PDE4DIP: variants seen among roughly 807,000 people sequenced by gnomAD.
PDE4DIP encodes myomegalin.
PDE4DIP carries 59 observed loss-of-function variants against 221.4 expected under a neutral mutation model. The observed-to-expected ratio is 0.27, with a 90% CI of 0.22 to 0.33. PDE4DIP has a LOEUF of 0.33. Among genes scored for constraint, PDE4DIP ranks in the 10% least tolerant of loss-of-function variants. The pLI, the probability that PDE4DIP is intolerant of heterozygous loss-of-function variation, is 1.00. For synonymous variants in PDE4DIP, 404 were observed against 815.9 expected (o/e 0.50, Z 8.60); for missense variants, 1,036 against 2,154.2 (o/e 0.48, Z 10.28).
chr1:148,972,526 C>T (rs149815005), exon 16 of PDE4DIP: 1 of 562,924 alleles, frequency 1.8e-6, no homozygotes, highest in African/African-American at 2.4e-5. Flanking sequence ...AATGCAGATA[C>T]CTTCCAGAGA....
chr1:149,007,250 C>T (rs140637862), exon 28 of PDE4DIP: 44 of 1,549,130 alleles, frequency 2.8e-5, no homozygotes, highest in Middle Eastern at 3.4e-4. Context: ...GTCTTACCTA[C>T]GGCAAAAAAT....
In PDE4DIP at chr1:149,001,197, A is replaced by T. The variant is rs587643921; in HGVS notation, c.3138-394A>T. Among the ~76,000 whole-genome samples the T allele has an allele frequency of 1.8e-4, 27 of 152,368 alleles. No homozygotes were observed. In the South Asian group the frequency reaches 5.6e-3, roughly 32 times the overall value. ...GGTTTGAAACTGACTGATGATAAAT[A>T]ATAGAACTGTAAAATTTATAACAAT... On this transcript the variant is annotated intron_variant, in intron 23 of 43. Coordinates refer to ENST00000369354, the Ensembl canonical transcript of PDE4DIP.
rs781856823 is a variant in PDE4DIP, at chr1:148,966,928, C to T, written c.1557C>T (p.Asp519=). Residue 519 remains aspartate, a synonymous_variant, in exon 12 of 44, where the codon GAC becomes GAT. Transcript: ENST00000369354. ...TTGCTGTGAGAGAGCGAGATCATGA[C>T]TTAGAGAGACTGCGCGATGTCCTCT... 3 of 1,613,618 alleles carry T rather than the reference C, an allele frequency of 1.9e-6. No individual in the cohort carries two copies. The Admixed American group carries it at 5.0e-5, about 27-fold the overall frequency.
intron 41 of PDE4DIP, 125 bp from the exon 45 acceptor site, chr1:149,029,662 G>C (rs1274268651): frequency 8.1e-6 from 6 of 741,594 alleles, no homozygotes; most frequent in Non-Finnish European, 1.1e-5. Context: ...GGCTGTGAAG[G>C]AGGAAATCCA....
At chr1:148,934,571 T>G (rs1553473575) in intron 4 of PDE4DIP, among the ~76,000 whole-genome samples, 2 of 152,200 alleles carry the variant, frequency 1.3e-5, no homozygotes, top group Non-Finnish European at 2.9e-5. Context: ...CATTGCAGTT[T>G]ACATTTGTAT....
rs1257873686 is a variant in PDE4DIP, at chr1:148,859,804, G to A, written c.234-3446G>A. On this transcript the variant is annotated intron_variant, in intron 1 of 45. Transcript: ENST00000524974. Reference sequence around the variant, plus strand: ...ATATATTACCACTTTGTGTGTGTGTGTGTGTGTGTGTGTGTGTGTGTGTGT... The same window carrying A: ...ATATATTACCACTTTGTGTGTGTGTATGTGTGTGTGTGTGTGTGTGTGTGT... Among the ~76,000 whole-genome samples the A allele has an allele frequency of 4.7e-5, 6 of 128,916 alleles. 1 individual carries two copies. The highest frequency in any genetic ancestry group is 9.9e-5 in the Non-Finnish European group (6 of 60,426). The allele number at this position is 128,916 out of a possible 152,430, so 84.6% of individuals were successfully genotyped here.
At chr1:149,029,862 A>G (rs78371650) in exon 42 of PDE4DIP, 70,332 of 1,591,898 alleles carry the variant, frequency 0.044, 1,887 homozygotes, top group South Asian at 0.073. Context: ...TCAGAGCACA[A>G]CTGAGCATCT....
chr1:148,937,020 T>A lies in PDE4DIP; in HGVS notation c.519-727T>A, dbSNP rs587642133. ...ATAGTAAATACATAAACCAGTAACATTTATTATCAAGTATTACATACTATA... is the reference window on the plus strand; with the variant it reads ...ATAGTAAATACATAAACCAGTAACAATTATTATCAAGTATTACATACTATA... On this transcript the variant is annotated intron_variant, in intron 4 of 43. Coordinates refer to ENST00000369354, the Ensembl canonical transcript of PDE4DIP. Among the ~76,000 whole-genome samples, 560 of 152,310 alleles carry A rather than the reference T, an allele frequency of 3.7e-3. 8 individuals are homozygous for A. Among genetic ancestry groups the A allele is most frequent in the African/African-American group, 0.013 (532 of 41,562 alleles).
chr1:148,995,888 T>G (rs1488271536), intron 22 of PDE4DIP, among the ~76,000 whole-genome samples: 3 of 122,128 alleles, frequency 2.5e-5, no homozygotes, highest in Admixed American at 7.9e-5. Context: ...AAATAAAAAA[T>G]AAAAAAAGAA....
At chr1:148,867,399 CT>C (rs1687276914) in intron 2 of PDE4DIP, among the ~76,000 whole-genome samples, 1 of 80,534 alleles carries the variant, frequency 1.2e-5, no homozygotes, top group Admixed American at 1.3e-4. Flanking sequence ...TCACTTATGT[CT>C]ATTTCACTGA....
intron 2 of PDE4DIP, chr1:148,930,108 T>A (rs1553468560): frequency 6.6e-6 from 1 of 151,706 alleles, no homozygotes; most frequent in African/African-American, 2.4e-5. Flanking sequence ...GTTACTTTTA[T>A]AATTTACAGT....
chr1:148,978,003 G>A lies in PDE4DIP; in HGVS notation c.2386G>A (p.Asp796Asn), dbSNP rs782519137. Reference sequence around the variant, plus strand: ...AGAAGAGCTGCAGGTGCAGGCTGCTGATATGGAGTCTCTGACCAGGAACAT... The same window carrying A: ...AGAAGAGCTGCAGGTGCAGGCTGCTAATATGGAGTCTCTGACCAGGAACAT... Residue 796 changes from aspartate (D) to asparagine (N), a missense_variant, in exon 18 of 44, where the codon GAT (aspartate) becomes AAT (asparagine). Physicochemically the swap from Asp to Asn is conservative, Grantham distance 23. Coordinates refer to ENST00000369354, the Ensembl canonical transcript of PDE4DIP. 6.8e-6 allele frequency: 11 copies of A among 1,613,976 alleles called. No individual in the cohort carries two copies. The African/African-American group carries it at 1.2e-4, about 18-fold the overall frequency.
intron 31 of PDE4DIP, among the ~76,000 whole-genome samples, 187 bp downstream of exon 34, chr1:149,010,782 C>A (rs1553604773): frequency 6.6e-6 from 1 of 151,230 alleles, no homozygotes; most frequent in Admixed American, 6.6e-5. Flanking sequence ...AATAAGTAAT[C>A]CACATCAGGT....
intron 1 of PDE4DIP, among the ~76,000 whole-genome samples, chr1:148,892,232 C>T (rs1384786696): frequency 8.3e-6 from 1 of 120,240 alleles, no homozygotes; most frequent in Admixed American, 8.4e-5. Flanking sequence ...TGACCTCAGG[C>T]GATCCACCCG....
chr1:149,002,426 T>G (rs1160860884), intron 24 of PDE4DIP, among the ~76,000 whole-genome samples: 1 of 151,740 alleles, frequency 6.6e-6, no homozygotes, highest in Non-Finnish European at 1.5e-5. Flanking sequence ...TCACTGCCAT[T>G]TTTTTGTCAC....
At chr1:148,929,815 G>A (rs1465824654) in intron 2 of PDE4DIP, 1 of 152,856 alleles carries the variant, frequency 6.5e-6, no homozygotes, top group Non-Finnish European at 1.5e-5. Flanking sequence ...GTATAAGGAT[G>A]TTTATTGCAT....
intron 1 of PDE4DIP, among the ~76,000 whole-genome samples, chr1:148,822,461 A>G (rs1413994609): frequency 1.3e-3 from 200 of 148,992 alleles, no homozygotes; most frequent in African/African-American, 4.9e-3. Context: ...AACTGGGCAT[A>G]TGAGGGATCT....
At chr1:148,915,204 G>C (rs1328338517) in intron 1 of PDE4DIP, among the ~76,000 whole-genome samples, 2 of 152,086 alleles carry the variant, frequency 1.3e-5, no homozygotes, top group Non-Finnish European at 2.9e-5. Context: ...CTGGAGTGCA[G>C]TGGTGCAATC....
chr1:148,961,437 G>T lies in PDE4DIP; in HGVS notation c.769-400G>T, dbSNP rs201660010. The stretch of plus-strand genomic sequence containing the variant: ...TTAATGTCTGGCTTAGAAGAAAATT[G>T]CTACAATTTGGGATGCTGAACTTGT... On this transcript the variant is annotated intron_variant, in intron 6 of 43. Coordinates refer to ENST00000369354, the Ensembl canonical transcript of PDE4DIP. Among the ~76,000 whole-genome samples, 919 of 151,912 alleles carry T rather than the reference G, an allele frequency of 6.0e-3. 14 individuals carry two copies. The highest frequency in any genetic ancestry group is 0.035 in the East Asian group (181 of 5,136).
Sources: allele counts gnomAD v4.1 joint callset (sites outside exome capture counted in the v4.1 genomes callset), GRCh38; gene constraint gnomAD v4.1.1; transcripts MANE v1.5; gene names NCBI Gene and HGNC (gene_info 2026-07-23, HGNC 2026-07-21).